The following ALK variants were observed in gnomAD, a reference collection of about 807,000 sequenced individuals.
ALK encodes the protein ALK tyrosine kinase receptor.
Under a neutral mutation model 163.1 loss-of-function variants are expected in ALK, and 74 were observed. The ratio of observed to expected loss-of-function variants is 0.45; its 90% CI spans 0.38 to 0.55. ALK has a LOEUF of 0.55. Ranked by LOEUF, ALK falls within the 20% of genes least tolerant of loss-of-function variation. The probability of loss-of-function intolerance (pLI) is 0.00; values close to 1 mark genes in which losing one functional copy is unlikely to be tolerated. For synonymous variants in ALK, 960 were observed against 843.2 expected (o/e 1.14, Z -2.40); for missense variants, 2,063 against 2,105.3 (o/e 0.98, Z 0.39).
At chr2:29,884,464 A>T (rs896707500) in intron 1 of ALK, among the ~76,000 whole-genome samples, 2 of 147,276 alleles carry the variant, frequency 1.4e-5, no homozygotes, top group African/African-American at 5.0e-5. Flanking sequence ...AGACCATTGT[A>T]AAAAAAAAAA....
intron 4 of ALK, among the ~76,000 whole-genome samples, chr2:29,503,154 T>C (rs1469630858): frequency 6.6e-6 from 1 of 152,242 alleles, no homozygotes; most frequent in Non-Finnish European, 1.5e-5. Flanking sequence ...TTTCAAACTA[T>C]TTTGGTATTT....
chr2:29,897,775 T>C (rs1186017791), intron 1 of ALK, among the ~76,000 whole-genome samples: 2 of 152,206 alleles, frequency 1.3e-5, no homozygotes, highest in Non-Finnish European at 1.5e-5. Context: ...CTTCTCAGGC[T>C]TTCCTCAAAT....
At chr2:29,697,372 T>C (rs949400988) in intron 2 of ALK, among the ~76,000 whole-genome samples, 16 of 152,182 alleles carry the variant, frequency 1.1e-4, no homozygotes, top group African/African-American at 3.6e-4. Flanking sequence ...GAAGGGCCCA[T>C]GCCCTGGGAT....
At chr2:29,579,463 A>G (rs766995989) in intron 3 of ALK, among the ~76,000 whole-genome samples, 1 of 152,162 alleles carries the variant, frequency 6.6e-6, no homozygotes, top group Admixed American at 6.5e-5. Flanking sequence ...TCTTATCCAC[A>G]TGGGAATGAT....
chr2:29,841,659 G>C (rs1261150808), intron 1 of ALK, among the ~76,000 whole-genome samples: 4 of 152,168 alleles, frequency 2.6e-5, no homozygotes, highest in Non-Finnish European at 5.9e-5. Flanking sequence ...CAATGAACAA[G>C]AGCCTTAGTG....
chr2:29,836,789 T>G (rs995232936), intron 1 of ALK, among the ~76,000 whole-genome samples: 3 of 152,230 alleles, frequency 2.0e-5, no homozygotes, highest in African/African-American at 7.2e-5. Flanking sequence ...AAAATGTCAC[T>G]GTTATTCCAG....
intron 1 of ALK, among the ~76,000 whole-genome samples, chr2:29,872,563 C>T (rs942000250): frequency 6.6e-6 from 1 of 152,198 alleles, no homozygotes; most frequent in African/African-American, 2.4e-5. Context: ...TGTTTATCCT[C>T]ATGGTTGTGT....
intron 4 of ALK, among the ~76,000 whole-genome samples, chr2:29,421,399 A>G (rs1670012621): frequency 6.6e-6 from 1 of 151,474 alleles, no homozygotes; most frequent in Non-Finnish European, 1.5e-5. Flanking sequence ...GTACTCATTC[A>G]TTCCACATTT....
chr2:29,765,928 A>G (rs1331677321), intron 1 of ALK, among the ~76,000 whole-genome samples: 1 of 152,194 alleles, frequency 6.6e-6, no homozygotes. Flanking sequence ...AGCAAATCAG[A>G]TCTTGCGAGC....
intron 4 of ALK, among the ~76,000 whole-genome samples, chr2:29,385,967 T>C (rs1268143168): frequency 6.6e-6 from 1 of 152,222 alleles, no homozygotes; most frequent in Non-Finnish European, 1.5e-5. Flanking sequence ...ATATCGTCAA[T>C]CCTGCCACAG....
chr2:29,594,393 G>A (rs1365217551), intron 3 of ALK, among the ~76,000 whole-genome samples: 4 of 149,262 alleles, frequency 2.7e-5, no homozygotes, highest in Admixed American at 2.7e-4. Flanking sequence ...TACACTATGA[G>A]TATAGACAAA....
intron 3 of ALK, among the ~76,000 whole-genome samples, chr2:29,649,772 A>G (rs540453488): frequency 2.4e-4 from 36 of 152,050 alleles, no homozygotes; most frequent in African/African-American, 8.4e-4. Flanking sequence ...CTGTCCTTAT[A>G]TTCCATTTAG....
At chr2:29,510,980 C>T (rs1321132303) in intron 4 of ALK, among the ~76,000 whole-genome samples, 1 of 152,164 alleles carries the variant, frequency 6.6e-6, no homozygotes, top group East Asian at 1.9e-4. Context: ...CTCTGCTCTG[C>T]CACCATCTCT....
Position 29,717,678 on chromosome 2 carries a change from T to C in ALK, c.687A>G (p.Ser229=). 2 of 1,614,142 alleles carry C rather than the reference T, an allele frequency of 1.2e-6. No homozygotes were observed. The highest frequency in any genetic ancestry group is 2.2e-5 in the East Asian group (1 of 44,868). Residue 229 remains serine (S), a synonymous_variant, in exon 2 of 29, where the codon TCA becomes TCG. Coordinates refer to ENST00000389048, the MANE Select transcript of ALK (RefSeq NM_004304.5). ...IFGTGHSSLE[S]PTNMPSPSPD... ...GAGAAGGAGAAGGCATGTTTGTTGG[T>C]GATTCCAAGGAGCTATGACCTGGAC...
intron 3 of ALK, among the ~76,000 whole-genome samples, chr2:29,595,004 T>G (rs921297363): frequency 6.6e-6 from 1 of 151,056 alleles, no homozygotes; most frequent in Admixed American, 6.6e-5. Flanking sequence ...TAATTTTAAA[T>G]GGAAAGGAAG....
Position 29,308,322 on chromosome 2 carries a change from G to A in ALK, c.1647+9982C>T, listed in dbSNP as rs188422241. Among the ~76,000 whole-genome samples, 59 of 150,754 alleles carry A rather than the reference G, an allele frequency of 3.9e-4. No homozygotes were observed. The East Asian group carries it at 0.011, about 27-fold the overall frequency. ...ATGTACCAATATCTTTGGGGGGTAA[G>A]ATTTTGGGCAATTTCAATTTTCTTC... On this transcript the variant is annotated intron_variant, in intron 8 of 28. Coordinates refer to ENST00000389048, the MANE Select transcript of ALK (RefSeq NM_004304.5).
At chr2:29,609,856 G>C (rs1187053776) in intron 3 of ALK, among the ~76,000 whole-genome samples, 1 of 152,046 alleles carries the variant, frequency 6.6e-6, no homozygotes, top group African/African-American at 2.4e-5. Context: ...TGCCCAGGCT[G>C]GTCTTGAACT....
At chr2:29,880,524 G>A (rs558138169) in intron 1 of ALK, among the ~76,000 whole-genome samples, 2 of 152,290 alleles carry the variant, frequency 1.3e-5, no homozygotes, top group South Asian at 4.1e-4. Context: ...CTTAGTGGCT[G>A]TCACCCACCC....
At chr2:29,278,846 GTCA>G in intron 9 of ALK, among the ~76,000 whole-genome samples, 1 of 152,312 alleles carries the variant, frequency 6.6e-6, no homozygotes, top group South Asian at 2.1e-4. Context: ...TCTCCACCAG[GTCA>G]TCATCTCCTA....
Sources: gnomAD v4.1 joint callset for allele counts (sites outside exome capture counted in the v4.1 genomes callset) on GRCh38, gnomAD v4.1.1 for gene constraint, MANE v1.5 for transcripts, NCBI Gene and HGNC (gene_info 2026-07-23, HGNC 2026-07-21) for gene names.